TRAP1: variants seen among roughly 807,000 people sequenced by gnomAD.
TRAP1 encodes TNF receptor associated protein 1.
A neutral mutation model predicts 89.1 loss-of-function variants in TRAP1; 102 were observed. The ratio of observed to expected loss-of-function variants is 1.15; its 90% confidence interval spans 0.98 to 1.35. The LOEUF is 1.35. TRAP1 is among the 40% of genes most tolerant of loss of function. The probability of loss-of-function intolerance (pLI) is 0.00; values close to 1 mark genes in which losing one functional copy is unlikely to be tolerated. For synonymous variants in TRAP1, 508 were observed against 388.0 expected, an observed-to-expected ratio of 1.31 and a Z score of -3.64; for missense variants, 1,256 against 945.3, an observed-to-expected ratio of 1.33 and a Z score of -4.31.
chr16:3,662,338 G>A (rs571706872), intron 15 of TRAP1: 84 of 657,370 alleles, frequency 1.3e-4, no homozygotes, highest in Admixed American at 1.1e-3. Flanking sequence ...TGTGCCCGAG[G>A]GGCTCCACCA....
At chr16:3,711,940 C>G (rs2051536934) in intron 1 of TRAP1, among the ~76,000 whole-genome samples, 1 of 152,102 alleles carries the variant, frequency 6.6e-6, no homozygotes, top group Non-Finnish European at 1.5e-5. Context: ...GCTTTGAACC[C>G]AAAAGCACTT....
chr16:3,662,051 G>A lies in TRAP1; in HGVS notation c.1876C>T (p.Gln626Ter). The change falls in exon 16 of 18, where the codon CAG becomes TAG. Residue 626 changes from glutamine (Q) to a stop codon, truncating the protein, a stop_gained. Transcript: ENST00000246957. LOFTEE classifies it high-confidence loss of function. ...CGCTCCTCCTGGGTCTTGGCCAGCT[G>A]CTGCATGCGCAGGAAGTGGCGGGCA... is the stretch of plus-strand genomic sequence containing the variant. The part of the protein sequence containing the change: ...GAARHFLRMQ[Q>*]LAKTQEERAQ... 1 of 1,613,432 alleles carries A rather than the reference G, an allele frequency of 6.2e-7. No individual in the cohort carries two copies. Among genetic ancestry groups the A allele is most frequent in the African/African-American group, 1.3e-5 (1 of 75,060 alleles).
chr16:3,712,687 A>C (rs1279278096), intron 1 of TRAP1, among the ~76,000 whole-genome samples: 1 of 152,144 alleles, frequency 6.6e-6, no homozygotes, highest in African/African-American at 2.4e-5. Flanking sequence ...GGCTCACTGC[A>C]ACCTCCAACC....
chr16:3,672,653 C>T lies in TRAP1; in HGVS notation c.1165+47G>A, dbSNP rs780317794. 3.8e-5 allele frequency: 60 copies of T among 1,569,962 alleles called. No individual in the cohort carries two copies. The Middle Eastern group carries it at 8.5e-4, about 22-fold the overall frequency. The stretch of plus-strand genomic sequence containing the variant: ...CACGGTCCCTCACAGATGCAGCGGG[C>T]GACACTGGGCCACGGGGGCACTGCT... On this transcript the variant is annotated intron_variant, in intron 10 of 17. Coordinates refer to ENST00000246957, the MANE Select transcript of TRAP1 (RefSeq NM_016292.3).
At chr16:3,667,822 G>A (rs1233570320) in intron 11 of TRAP1, among the ~76,000 whole-genome samples, 2 of 147,554 alleles carry the variant, frequency 1.4e-5, no homozygotes, top group Admixed American at 1.4e-4. Flanking sequence ...GCAGTGGCGT[G>A]ATCTCGGCTC....
rs375170461 is a variant in TRAP1 at position 3,672,681 on chromosome 16, C to T, written c.1165+19G>A. 15 of 1,599,792 alleles carry T rather than the reference C, an allele frequency of 9.4e-6. No individual in the cohort carries two copies. Among genetic ancestry groups the T allele is most frequent in the Admixed American group, 5.1e-5 (3 of 58,408 alleles). On this transcript the variant is annotated intron_variant, in intron 10 of 17. Coordinates refer to ENST00000246957, the MANE Select transcript of TRAP1 (RefSeq NM_016292.3). ...CACTGGGCCACGGGGGCACTGCTCA[C>T]GGACTCTGAGCAGCGTACCTCGGAT... is the stretch of plus-strand genomic sequence containing the variant.
intron 2 of TRAP1, among the ~76,000 whole-genome samples, chr16:3,690,611 G>A (rs539666098): frequency 1.3e-5 from 2 of 152,284 alleles, no homozygotes; most frequent in East Asian, 3.9e-4. Context: ...GCAAACTCAC[G>A]GGTGGCCACC....
chr16:3,691,062 G>A (rs1020641682), intron 1 of TRAP1, 77 bp from the exon 2 acceptor site: 31 of 1,340,708 alleles, frequency 2.3e-5, no homozygotes, highest in Admixed American at 2.9e-5. Context: ...CCCATCAAGG[G>A]TGTCTAGCAG....
chr16:3,712,886 G>A (rs1420955544), intron 1 of TRAP1, among the ~76,000 whole-genome samples: 1 of 152,188 alleles, frequency 6.6e-6, no homozygotes, highest in East Asian at 1.9e-4. Context: ...AAAGTGCTGG[G>A]ATTACAGACG....
Position 3,677,569 on chromosome 16 carries a change from C to G in TRAP1, c.633G>C (p.Val211=). ...GGGAATAGACCTCCACTCTGTCAGC[C>G]ACCATGAAAGCTGAGTAGAAACCCA... ...FGVGFYSAFM[V]ADRVEVYSRS... Residue 211 remains valine (V), a synonymous_variant, in exon 6 of 18, where the codon GTG becomes GTC. Coordinates refer to ENST00000246957, the MANE Select transcript of TRAP1 (RefSeq NM_016292.3). The G allele has an allele frequency of 6.2e-7, 1 of 1,614,208 alleles. No individual in the cohort carries two copies. The highest frequency in any genetic ancestry group is 8.5e-7 in the Non-Finnish European group (1 of 1,180,040).
intron 1 of TRAP1, among the ~76,000 whole-genome samples, chr16:3,698,969 A>C (rs1400033265): frequency 6.6e-6 from 1 of 152,212 alleles, no homozygotes; most frequent in Non-Finnish European, 1.5e-5. Context: ...CGCTAGCTGT[A>C]CAATTTCCGT....
intron 1 of TRAP1, among the ~76,000 whole-genome samples, chr16:3,697,383 C>T (rs143027199): frequency 2.6e-5 from 4 of 151,912 alleles, no homozygotes; most frequent in African/African-American, 4.8e-5. Context: ...GGAAATTAGT[C>T]GCCAGGAGCG....
At chr16:3,714,789 CCA>C (rs1443588392) in intron 1 of TRAP1, among the ~76,000 whole-genome samples, 1 of 152,084 alleles carries the variant, frequency 6.6e-6, no homozygotes, top group African/African-American at 2.4e-5. Context: ...CGAGAGGATT[CCA>C]CAGACATAAG....
In TRAP1 at chr16:3,717,496, G is replaced by C. The variant is rs1411651381; in HGVS notation, c.13C>G (p.Leu5Val). Reference protein sequence around the residue: MARELRALLLWGRRL... With the variant: MAREVRALLLWGRRL... Reference sequence around the variant, plus strand: ...CGGCCCCACAGCAGCAGCGCCCGCAGCTCGCGCGCCATGTCGTACTCCCAG... The same window carrying C: ...CGGCCCCACAGCAGCAGCGCCCGCACCTCGCGCGCCATGTCGTACTCCCAG... The change falls in exon 1 of 18, where the codon CTG becomes GTG. Residue 5 changes from leucine to valine, a missense_variant. Transcript: ENST00000246957. 1 of 1,348,510 alleles carries C rather than the reference G, an allele frequency of 7.4e-7. No homozygotes were observed. 83.5% of individuals were successfully genotyped at this position (1,348,510 alleles called of 1,614,324 possible).
chr16:3,681,035 C>A (rs2051067337), intron 4 of TRAP1, among the ~76,000 whole-genome samples: 2 of 152,146 alleles, frequency 1.3e-5, no homozygotes. Flanking sequence ...GCCTTACTGA[C>A]CATGGGCTCC....
rs778496396 is a variant in TRAP1, at chr16:3,690,980, G to C, written c.94C>G (p.Pro32Ala). 6.7e-6 allele frequency: 10 copies of C among 1,502,110 alleles called. No homozygotes were observed. Among genetic ancestry groups the C allele is most frequent in the Middle Eastern group, 3.6e-4 (2 of 5,586 alleles). 93.0% of individuals were successfully genotyped at this position (1,502,110 alleles called of 1,614,324 possible). The change falls in exon 2 of 18, where the codon CCA (proline) becomes GCA (alanine). Residue 32 changes from proline (P) to alanine (A), a missense_variant. Transcript: ENST00000246957. Reference protein sequence around the residue: ...PALAAVPGGKPILCPRRTTAQ... With the variant: ...PALAAVPGGKAILCPRRTTAQ... ...GTGGTCCTCCGAGGACACAGAATTG[G>C]TTTTCCTGAAAAGACAAATATGCAG...
chr16:3,706,602 G>A (rs2051450515), intron 1 of TRAP1, among the ~76,000 whole-genome samples: 1 of 151,500 alleles, frequency 6.6e-6, no homozygotes. Context: ...TGGGACCACA[G>A]GCATGTGCCA....
chr16:3,682,468 C>T (rs1196469419), intron 4 of TRAP1, among the ~76,000 whole-genome samples: 2 of 152,024 alleles, frequency 1.3e-5, no homozygotes, highest in African/African-American at 4.8e-5. Flanking sequence ...CCGCTCACTG[C>T]ACCTTCCGCC....
chr16:3,689,286 C>T, intron 2 of TRAP1, 149 bp from the exon 3 acceptor site: 4 of 620,958 alleles, frequency 6.4e-6, no homozygotes, highest in Non-Finnish European at 1.0e-5. Flanking sequence ...GCTCTGTCAC[C>T]CAGGCTGGAG....
Sources: gnomAD v4.1 joint callset for allele counts (sites outside exome capture counted in the v4.1 genomes callset) on GRCh38, gnomAD v4.1.1 for gene constraint, MANE v1.5 for transcripts, NCBI Gene and HGNC (gene_info 2026-07-23, HGNC 2026-07-21) for gene names.